Variants in BCL2L13 observed in about 807,000 individuals in gnomAD.
The protein encoded by BCL2L13 is bcl-2-like protein 13.
BCL2L13 carries 13 observed loss-of-function variants against 25.8 expected under a neutral mutation model. That is an observed-to-expected ratio of 0.50 (90% confidence interval 0.33 to 0.80). BCL2L13 has a LOEUF of 0.80. Ranked by LOEUF, BCL2L13 falls within the 30% of genes least tolerant of loss-of-function variation. The pLI is 0.02. For synonymous variants in BCL2L13, 244 were observed against 230.3 expected (o/e 1.06, Z -0.54); for missense variants, 504 against 574.9 (o/e 0.88, Z 1.26).
intron 5 of BCL2L13, among the ~76,000 whole-genome samples, chr22:17,698,014 CTG>C (rs971980676): frequency 6.6e-6 from 1 of 151,902 alleles, no homozygotes; most frequent in African/African-American, 2.4e-5. Flanking sequence ...TGGGGTTTCA[CTG>C]TGTTGGCCAG....
intron 6 of BCL2L13, among the ~76,000 whole-genome samples, chr22:17,704,728 G>A (rs548435102): frequency 6.6e-6 from 1 of 152,178 alleles, no homozygotes; most frequent in East Asian, 1.9e-4. Flanking sequence ...AGCAGCTCTG[G>A]GGGAATAAGG....
At chr22:17,657,080 A>G (rs912262116) in intron 2 of BCL2L13, among the ~76,000 whole-genome samples, 2 of 152,138 alleles carry the variant, frequency 1.3e-5, no homozygotes, top group African/African-American at 4.8e-5. Flanking sequence ...TGGCCTCTCA[A>G]AGTGCTGGGA....
chr22:17,699,055 C>A (rs914139928), intron 5 of BCL2L13, among the ~76,000 whole-genome samples: 3 of 152,234 alleles, frequency 2.0e-5, no homozygotes, highest in African/African-American at 7.2e-5. Context: ...TCTGTATTTC[C>A]TTCCTGATCA....
intron 1 of BCL2L13, among the ~76,000 whole-genome samples, chr22:17,645,080 A>G (rs2146419291): frequency 6.6e-6 from 1 of 151,156 alleles, no homozygotes; most frequent in East Asian, 1.9e-4. Context: ...AAGTGCTGGG[A>G]TTACAGGCAT....
chr22:17,656,335 C>CTTTTTTTTTTTTTTTTTTTTTTT (rs890631679), intron 2 of BCL2L13, among the ~76,000 whole-genome samples: 2 of 57,880 alleles, frequency 3.5e-5, no homozygotes, highest in African/African-American at 8.5e-5. Context: ...TCATTTTATT[C>CTTTTTTTTTTTTTTTTTTTTTTT]TTTTTTTTTT....
intron 6 of BCL2L13, among the ~76,000 whole-genome samples, chr22:17,714,177 C>T (rs889510289): frequency 6.6e-6 from 1 of 152,056 alleles, no homozygotes; most frequent in Non-Finnish European, 1.5e-5. Context: ...CCTGTAGTCC[C>T]AGCTACTCGG....
At chr22:17,656,181 A>T (rs2058848469) in intron 2 of BCL2L13, among the ~76,000 whole-genome samples, 1 of 150,070 alleles carries the variant, frequency 6.7e-6, no homozygotes, top group Non-Finnish European at 1.5e-5. Context: ...CAGAGGTTGC[A>T]GTGAGCTGAG....
chr22:17,659,075 A>G (rs1455870310), intron 2 of BCL2L13, among the ~76,000 whole-genome samples: 3 of 107,418 alleles, frequency 2.8e-5, no homozygotes, highest in African/African-American at 9.8e-5. Flanking sequence ...AAAAAAAAAA[A>G]AAAAAAAAGG....
intron 2 of BCL2L13, among the ~76,000 whole-genome samples, chr22:17,669,264 C>T (rs953779750): frequency 6.6e-6 from 1 of 152,028 alleles, no homozygotes; most frequent in Admixed American, 6.6e-5. Context: ...AATCTCCTGA[C>T]CTCGTGATCT....
chr22:17,646,973 T>C (rs2058514989), intron 1 of BCL2L13, among the ~76,000 whole-genome samples: 2 of 117,020 alleles, frequency 1.7e-5, no homozygotes, highest in African/African-American at 6.6e-5. Flanking sequence ...TTTTTTTTTT[T>C]TTTTTTCTTT....
chr22:17,655,608 T>C, intron 1 of BCL2L13, 54 bp from the exon 2 acceptor site: 1 of 1,409,560 alleles, frequency 7.1e-7, no homozygotes, highest in Non-Finnish European at 9.6e-7. Context: ...GAAACAACTG[T>C]TAAAGTGGCA....
intron 2 of BCL2L13, among the ~76,000 whole-genome samples, chr22:17,678,066 G>A (rs140634809): frequency 4.7e-4 from 72 of 152,088 alleles, no homozygotes; most frequent in Non-Finnish European, 8.1e-4. Flanking sequence ...ATATATAGAA[G>A]TGCTGAAGTG....
At chr22:17,698,540 G>A (rs2060334265) in intron 5 of BCL2L13, among the ~76,000 whole-genome samples, 1 of 114,770 alleles carries the variant, frequency 8.7e-6, no homozygotes, top group South Asian at 3.2e-4. Flanking sequence ...GGGCAACATA[G>A]CAAGACCCTG....
At chr22:17,691,689 T>G (rs576865531) in intron 4 of BCL2L13, among the ~76,000 whole-genome samples, 6 of 152,310 alleles carry the variant, frequency 3.9e-5, no homozygotes, top group African/African-American at 1.2e-4. Flanking sequence ...TGATACAGAC[T>G]TTGGCTTGGA....
In BCL2L13 at chr22:17,702,323, G is replaced by C; in HGVS notation, c.537G>C (p.Leu179=). The C allele has an allele frequency of 6.2e-7, 1 of 1,612,578 alleles. No individual in the cohort carries two copies. The highest frequency in any genetic ancestry group is 8.5e-7 in the Non-Finnish European group (1 of 1,179,246). ...GTCAAGAACCTTTGAGCGCACTGCT[G>C]CAGTTTGGCGTGACATACCTGGAGG... ...RRGQEPLSAL[L]QFGVTYLEDY... The change falls in exon 6 of 7, where the codon CTG becomes CTC. Residue 179 remains leucine, a synonymous_variant. Transcript: ENST00000317582.
chr22:17,667,552 A>T (rs1358700262), intron 2 of BCL2L13, among the ~76,000 whole-genome samples: 1 of 151,812 alleles, frequency 6.6e-6, no homozygotes, highest in African/African-American at 2.4e-5. Context: ...TCTGTTGCCC[A>T]GGCTGGAATA....
At chr22:17,673,207 A>G (rs2059468598) in intron 2 of BCL2L13, among the ~76,000 whole-genome samples, 1 of 152,116 alleles carries the variant, frequency 6.6e-6, no homozygotes, top group Admixed American at 6.6e-5. Flanking sequence ...GTATGCAAGT[A>G]ATAGTGGAGG....
intron 1 of BCL2L13, among the ~76,000 whole-genome samples, chr22:17,646,995 A>G (rs750499475): frequency 6.5e-5 from 5 of 76,842 alleles, no homozygotes; most frequent in African/African-American, 2.3e-4. Flanking sequence ...TCTTTTTGGG[A>G]TGGAGTCTTG....
At chr22:17,703,503 T>C (rs1377804159) in intron 6 of BCL2L13, 2 of 152,160 alleles carry the variant, frequency 1.3e-5, no homozygotes, top group East Asian at 3.8e-4. Flanking sequence ...CTAGAAATGG[T>C]TTTTAAGTTT....
Sources: allele counts gnomAD v4.1 joint callset (sites outside exome capture counted in the v4.1 genomes callset), GRCh38; gene constraint gnomAD v4.1.1; transcripts MANE v1.5; gene names NCBI Gene and HGNC (gene_info 2026-07-23, HGNC 2026-07-21).